Variants in SNTG2 observed in about 807,000 individuals in gnomAD.
SNTG2 encodes gamma-2-syntrophin.
SNTG2 carries 74 observed loss-of-function variants against 70.9 expected under a neutral mutation model. The ratio of observed to expected loss-of-function variants is 1.04; its 90% CI spans 0.86 to 1.27. The LOEUF (loss-of-function observed/expected upper bound fraction) is 1.27, where lower values mean the gene tolerates loss of function less well. Among genes scored for constraint, SNTG2 ranks in the 50% most tolerant of loss-of-function variants. SNTG2 has a pLI of 0.00. For missense variants in SNTG2, 717 were observed against 690.7 expected (o/e 1.04, Z -0.43); for synonymous variants, 278 against 273.8 (o/e 1.02, Z -0.15).
chr2:996,437 GA>G (rs1661682983), intron 1 of SNTG2, among the ~76,000 whole-genome samples: 1 of 151,950 alleles, frequency 6.6e-6, no homozygotes, highest in Non-Finnish European at 1.5e-5. Context: ...ACACCTTGTA[GA>G]AAAATGGGTT....
intron 9 of SNTG2, among the ~76,000 whole-genome samples, chr2:1,231,026 GA>G (rs1335773266): frequency 2.4e-4 from 37 of 151,566 alleles, no homozygotes; most frequent in African/African-American, 8.5e-4. Flanking sequence ...TTAGGATAAT[GA>G]CAGTGCCTCT....
chr2:1,049,776 C>A (rs935650779), intron 1 of SNTG2, among the ~76,000 whole-genome samples: 18 of 152,178 alleles, frequency 1.2e-4, no homozygotes, highest in African/African-American at 4.3e-4. Context: ...AATGAGAGTT[C>A]CTGTTGCTCT....
intron 11 of SNTG2, among the ~76,000 whole-genome samples, chr2:1,247,112 C>T (rs1677475573): frequency 6.6e-6 from 1 of 152,158 alleles, no homozygotes; most frequent in Non-Finnish European, 1.5e-5. Flanking sequence ...TATATAAAAC[C>T]TGGTTCAATG....
chr2:1,181,685 T>C (rs1263579878), intron 8 of SNTG2, among the ~76,000 whole-genome samples: 2 of 147,940 alleles, frequency 1.4e-5, no homozygotes, highest in African/African-American at 4.9e-5. Context: ...TTCCGTGTTA[T>C]TATTTGAAGC....
At chr2:1,057,860 A>G (rs1662563437) in intron 1 of SNTG2, among the ~76,000 whole-genome samples, 1 of 152,162 alleles carries the variant, frequency 6.6e-6, no homozygotes, top group Admixed American at 6.5e-5. Context: ...CAACATGGTG[A>G]GACCCCATCT....
At chr2:981,433 C>T (rs944463427) in intron 1 of SNTG2, among the ~76,000 whole-genome samples, 7 of 130,260 alleles carry the variant, frequency 5.4e-5, no homozygotes, top group Non-Finnish European at 8.5e-5. Context: ...CACATGTGCA[C>T]ACACATGCAC....
chr2:978,556 A>C (rs533015310), intron 1 of SNTG2, among the ~76,000 whole-genome samples: 97 of 152,316 alleles, frequency 6.4e-4, no homozygotes, highest in South Asian at 1.0e-3. Flanking sequence ...ATCAAGTAAT[A>C]AGATTCAACC....
rs143232392 is a variant in SNTG2 at position 1,189,319 on chromosome 2, A to G, written c.591+16136A>G. 2.3e-3 allele frequency among the ~76,000 whole-genome samples: 357 copies of G among 152,310 alleles called. 7 individuals carry two copies. The East Asian group carries it at 0.046, about 19-fold the overall frequency. ...AAGAGTCTTCCAAGTGCATGTATAC[A>G]TTCCAAGAAGTGTCAATATATATCG... On this transcript the variant is annotated intron_variant, in intron 8 of 16. Transcript: ENST00000308624.
At chr2:1,262,112 G>A (rs910957886) in intron 13 of SNTG2, among the ~76,000 whole-genome samples, 19 of 152,172 alleles carry the variant, frequency 1.2e-4, no homozygotes, top group African/African-American at 4.3e-4. Flanking sequence ...AGTTAAAGGC[G>A]AAGAAGGCAA....
chr2:1,266,191 GAC>G (rs1491422937), intron 13 of SNTG2, among the ~76,000 whole-genome samples: 138 of 152,082 alleles, frequency 9.1e-4, no homozygotes, highest in African/African-American at 3.0e-3. Context: ...GAGAGAGAGA[GAC>G]AGACAGAGAC....
At chr2:1,360,317 T>G (rs1661069165) in intron 16 of SNTG2, among the ~76,000 whole-genome samples, 1 of 152,138 alleles carries the variant, frequency 6.6e-6, no homozygotes, top group South Asian at 2.1e-4. Context: ...GCCAGAAAGC[T>G]CCAGCCACCG....
At chr2:1,155,332 C>T (rs1371534970) in intron 6 of SNTG2, among the ~76,000 whole-genome samples, 1 of 151,746 alleles carries the variant, frequency 6.6e-6, no homozygotes, top group Admixed American at 6.6e-5. Flanking sequence ...TGCATATACA[C>T]ATATGCACAC....
intron 9 of SNTG2, among the ~76,000 whole-genome samples, chr2:1,231,069 C>T (rs1188213986): frequency 6.7e-6 from 1 of 148,796 alleles, no homozygotes. Context: ...TGAAATAGAT[C>T]CGAAAGGTGA....
chr2:1,044,607 G>A (rs542196218), intron 1 of SNTG2, among the ~76,000 whole-genome samples: 1 of 152,226 alleles, frequency 6.6e-6, no homozygotes, highest in African/African-American at 2.4e-5. Flanking sequence ...CAAAGATGTT[G>A]AATTTTATTG....
At chr2:1,073,718 A>G (rs1353916773) in intron 1 of SNTG2, among the ~76,000 whole-genome samples, 3 of 152,250 alleles carry the variant, frequency 2.0e-5, no homozygotes, top group Non-Finnish European at 4.4e-5. Context: ...CCTATTATTG[A>G]ACATTAAAAC....
chr2:1,021,572 T>A (rs969586517), intron 1 of SNTG2, among the ~76,000 whole-genome samples: 1 of 152,120 alleles, frequency 6.6e-6, no homozygotes, highest in Non-Finnish European at 1.5e-5. Flanking sequence ...ATATAACTTA[T>A]TTTTTGCCTT....
intron 4 of SNTG2, among the ~76,000 whole-genome samples, chr2:1,112,166 A>G (rs1162980726): frequency 6.6e-6 from 1 of 151,516 alleles, no homozygotes; most frequent in African/African-American, 2.4e-5. Context: ...TTTGAGAAGG[A>G]TCGTGTGTAC....
At chr2:1,229,712 C>T (rs1049893127) in intron 9 of SNTG2, among the ~76,000 whole-genome samples, 2 of 152,196 alleles carry the variant, frequency 1.3e-5, no homozygotes, top group African/African-American at 4.8e-5. Context: ...GAGGCTCAGG[C>T]GTGGCGGGCT....
chr2:1,300,756 C>A (rs1025276427), intron 14 of SNTG2, among the ~76,000 whole-genome samples: 1 of 152,060 alleles, frequency 6.6e-6, no homozygotes, highest in African/African-American at 2.4e-5. Context: ...TTGTTTAGAG[C>A]GTGAATTTTT....
Sources: allele counts gnomAD v4.1 joint callset (sites outside exome capture counted in the v4.1 genomes callset), GRCh38; gene constraint gnomAD v4.1.1; transcripts MANE v1.5; gene names NCBI Gene and HGNC (gene_info 2026-07-23, HGNC 2026-07-21).